The following PSG11 variants were observed in gnomAD, a reference collection of about 807,000 sequenced individuals.
The protein encoded by PSG11 is pregnancy-specific beta-1-glycoprotein 11.
In PSG11, 42 loss-of-function variants were observed where a neutral mutation model predicts 36.0. That is an observed-to-expected ratio of 1.17 (90% CI 0.91 to 1.51). The LOEUF (loss-of-function observed/expected upper bound fraction) is 1.51. PSG11 is among the 40% of genes most tolerant of loss of function. PSG11 has a pLI of 0.00. For synonymous variants in PSG11, 206 were observed against 153.5 expected, an observed-to-expected ratio of 1.34 and a Z score of -2.53; for missense variants, 558 against 403.5, an observed-to-expected ratio of 1.38 and a Z score of -3.28.
chr19:43,026,432 A>T lies in PSG11; in HGVS notation c.-60T>A, dbSNP rs764356090. Reference sequence around the variant, plus strand: ...ATGAGCCTAGGATCCAGAAGCTTCCAGAGCACGGCTGTCAGCTGTGCTGTC... The same window carrying T: ...ATGAGCCTAGGATCCAGAAGCTTCCTGAGCACGGCTGTCAGCTGTGCTGTC... On this transcript the variant is annotated 5_prime_UTR_variant, in exon 1 of 6. Transcript: ENST00000320078. The T allele has an allele frequency of 3.4e-5, 54 of 1,591,874 alleles. 3 individuals carry two copies. The South Asian group carries it at 4.1e-4, about 12-fold the overall frequency.
At chr19:43,022,230 G>A (rs1001293095) in intron 2 of PSG11, among the ~76,000 whole-genome samples, 1 of 151,454 alleles carries the variant, frequency 6.6e-6, no homozygotes, top group Non-Finnish European at 1.5e-5. Context: ...GTAACTAATT[G>A]CTCCTATAGA....
intron 2 of PSG11, among the ~76,000 whole-genome samples, chr19:43,023,962 C>A (rs1449079686): frequency 6.6e-6 from 1 of 151,538 alleles, no homozygotes; most frequent in Non-Finnish European, 1.5e-5. Flanking sequence ...TCCCTGTGGA[C>A]AAGCTGCTAC....
chr19:43,018,999 C>T lies in PSG11; in HGVS notation c.480G>A (p.Glu160=). The part of the protein sequence containing the change: ...SISSSNLNPR[E]AMETVILTCN... Reference sequence around the variant, plus strand: ...AGGTTAAGATCACAGTCTCCATGGCCTCCCTGGGGTTTAAGTTGCTGCTGG... The same window carrying T: ...AGGTTAAGATCACAGTCTCCATGGCTTCCCTGGGGTTTAAGTTGCTGCTGG... The change falls in exon 3 of 6, where the codon GAG becomes GAA. Residue 160 remains glutamate (E), a synonymous_variant. Transcript: ENST00000320078. 1 of 1,612,074 alleles carries T rather than the reference C, an allele frequency of 6.2e-7. No individual in the cohort carries two copies. Among genetic ancestry groups the T allele is most frequent in the Non-Finnish European group, 8.5e-7 (1 of 1,179,152 alleles).
intron 3 of PSG11, among the ~76,000 whole-genome samples, chr19:43,016,764 C>G (rs368449447): frequency 2.6e-5 from 4 of 151,518 alleles, no homozygotes; most frequent in Admixed American, 6.6e-5. Flanking sequence ...TGGAGCAGAA[C>G]CATGTTCCCT....
intron 3 of PSG11, 92 bp downstream of exon 3, chr19:43,018,678 T>C: frequency 6.2e-7 from 1 of 1,607,494 alleles, no homozygotes; most frequent in African/African-American, 1.3e-5. Context: ...AAGGTCTCTG[T>C]ACTTGGACCT....
intron 3 of PSG11, chr19:43,015,708 T>G: frequency 6.3e-7 from 1 of 1,596,446 alleles, no homozygotes; most frequent in Non-Finnish European, 8.5e-7. Context: ...CTGAGAGGCC[T>G]GGCCCCTGGT....
At chr19:43,009,874 G>C in intron 5 of PSG11, 84 bp downstream of exon 5, 1 of 1,106,332 alleles carries the variant, frequency 9.0e-7, no homozygotes, top group Non-Finnish European at 1.4e-6. Context: ...TCCAGGCCCA[G>C]ATACAGGCAA....
rs148373165 is a variant in PSG11, at chr19:43,019,766, G to A, written c.431-718C>T. The A allele has an allele frequency of 1.4e-3, 220 of 152,100 alleles. 2 individuals carry two copies. The highest frequency in any genetic ancestry group is 2.7e-3 in the Non-Finnish European group (183 of 68,354). 9.4% of individuals were successfully genotyped at this position (152,100 alleles called of 1,614,324 possible). On this transcript the variant is annotated intron_variant, in intron 2 of 5. Coordinates refer to ENST00000320078, the MANE Select transcript of PSG11 (RefSeq NM_002785.3). The stretch of plus-strand genomic sequence containing the variant: ...GCTGATAGCTTTGAACCAAGACCAT[G>A]TTCCCTGTTGTGGGTCTATGATGCT...
chr19:43,010,543 G>C, intron 4 of PSG11: 1 of 587,194 alleles, frequency 1.7e-6, no homozygotes, highest in Non-Finnish European at 2.9e-6. Flanking sequence ...GTTCTCTGAG[G>C]CTCTCTTTAA....
At chr19:43,017,414 A>G (rs1359539727) in intron 3 of PSG11, 1 of 151,248 alleles carries the variant, frequency 6.6e-6, no homozygotes, top group Admixed American at 6.6e-5. Context: ...TTTTTCTCTC[A>G]CCACATTTCT....
intron 2 of PSG11, among the ~76,000 whole-genome samples, chr19:43,021,187 T>C (rs1433798873): frequency 6.6e-6 from 1 of 151,366 alleles, no homozygotes; most frequent in African/African-American, 2.4e-5. Flanking sequence ...CAAAACAAAA[T>C]ATTAAATATG....
In PSG11 at chr19:43,019,442, G is replaced by T. The variant is rs777856241; in HGVS notation, c.431-394C>A. 41 of 216,788 alleles carry T rather than the reference G, an allele frequency of 1.9e-4. 3 individuals are homozygous for T. Among genetic ancestry groups the T allele is most frequent in the Non-Finnish European group, 2.6e-4 (28 of 108,824 alleles). 13.4% of individuals were successfully genotyped at this position (216,788 alleles called of 1,614,324 possible). A position where few individuals can be genotyped will look rare whatever the true frequency, so the allele number is the denominator to read the frequency against. ...TTTCAGTCTTACTTTTCCCCCCAAG[G>T]TATGTTTTCTCTGCAGCTTCCCTTG... On this transcript the variant is annotated intron_variant, in intron 2 of 5. Coordinates refer to ENST00000320078, the MANE Select transcript of PSG11 (RefSeq NM_002785.3).
Position 43,024,947 on chromosome 19 carries a change from C to T in PSG11, c.174G>A (p.Leu58=), listed in dbSNP as rs764002808. Residue 58 remains leucine (L), a synonymous_variant, in exon 2 of 6, where the codon TTG becomes TTA. Coordinates refer to ENST00000320078, the MANE Select transcript of PSG11 (RefSeq NM_002785.3). ...GKDVLLLVHN[L]PQNLTGYIWY... ...AGATGTAGCCAGTAAGATTCTGGGG[C>T]AAATTGTGGACAAGTAGAAGAACAT... 1.7e-5 allele frequency: 28 copies of T among 1,611,662 alleles called. No homozygotes were observed. The South Asian group carries it at 2.8e-4, about 16-fold the overall frequency.
At chr19:43,019,270 G>T in intron 2 of PSG11, 2 of 1,013,520 alleles carry the variant, frequency 2.0e-6, no homozygotes, top group South Asian at 1.8e-5. Context: ...TCTCAGGTGT[G>T]AATTGAGCAG....
At position 43,024,589 on chromosome 19, in the gene PSG11, C is replaced by T. The variant is rs1045063024; in HGVS notation, c.430+102G>A. ...CCAAACCCCAGCATGGGACATAATGCAGAGAGGGACACAGGCAATGTCCAG... is the reference window on the plus strand; with the variant it reads ...CCAAACCCCAGCATGGGACATAATGTAGAGAGGGACACAGGCAATGTCCAG... On this transcript the variant is annotated intron_variant, in intron 2 of 5. Coordinates refer to ENST00000320078, the MANE Select transcript of PSG11 (RefSeq NM_002785.3). 38 of 1,588,700 alleles carry T rather than the reference C, an allele frequency of 2.4e-5. No homozygotes were observed. The East Asian group carries it at 3.1e-4, about 13-fold the overall frequency.
At chr19:43,009,898 C>G (rs1974029973) in intron 5 of PSG11, 60 bp downstream of exon 5, 1 of 1,338,484 alleles carries the variant, frequency 7.5e-7, no homozygotes. Flanking sequence ...AGTCATTTCC[C>G]TCTCCCAAGC....
intron 2 of PSG11, among the ~76,000 whole-genome samples, chr19:43,022,671 A>G (rs887063375): frequency 2.0e-5 from 3 of 151,174 alleles, no homozygotes; most frequent in Non-Finnish European, 4.4e-5. Context: ...GGTTGGAGGG[A>G]CTTCCTATCC....
chr19:43,025,677 G>T (rs1967228820), intron 1 of PSG11, among the ~76,000 whole-genome samples: 1 of 146,166 alleles, frequency 6.8e-6, no homozygotes, highest in African/African-American at 2.6e-5. Flanking sequence ...TTCCCCAATT[G>T]TTGAGGTTTT....
intron 3 of PSG11, chr19:43,015,812 G>C: frequency 1.2e-6 from 2 of 1,610,150 alleles, no homozygotes; most frequent in Non-Finnish European, 1.7e-6. Context: ...CCACCATATC[G>C]GTCCCGTATT....
Sources: allele counts gnomAD v4.1 joint callset (sites outside exome capture counted in the v4.1 genomes callset), GRCh38; gene constraint gnomAD v4.1.1; transcripts MANE v1.5; gene names NCBI Gene and HGNC (gene_info 2026-07-23, HGNC 2026-07-21).